Variants in B4GALT6 observed in about 807,000 individuals in gnomAD.
B4GALT6 encodes beta-1,4-galactosyltransferase 6.
In B4GALT6, 14 loss-of-function variants were observed where a neutral mutation model predicts 46.3. The observed-to-expected ratio is 0.30, with a 90% CI of 0.20 to 0.47. B4GALT6 has a LOEUF of 0.47. Among genes scored for constraint, B4GALT6 ranks in the 20% least tolerant of loss-of-function variants. B4GALT6 has a pLI of 0.99. For missense variants in B4GALT6, 386 were observed against 480.1 expected (o/e 0.80, Z 1.83); for synonymous variants, 168 against 162.0 (o/e 1.04, Z -0.28).
At chr18:31,688,258 T>TACATATATATATATATATATATAC (rs151146927), upstream of B4GALT6, among the ~76,000 whole-genome samples, 46 of 148,628 alleles carry the variant, frequency 3.1e-4, no homozygotes, top group African/African-American at 1.1e-3. Flanking sequence ...TATATATATA[T>TACATATATATATATATATATATAC]ACATATATAT....
At chr18:31,647,148 A>G (rs925559610) in intron 3 of B4GALT6, among the ~76,000 whole-genome samples, 2 of 152,256 alleles carry the variant, frequency 1.3e-5, no homozygotes, top group Non-Finnish European at 2.9e-5. Flanking sequence ...TGATACATTT[A>G]ATAGTATGCA....
chr18:31,673,199 G>A (rs2074376388), intron 1 of B4GALT6, among the ~76,000 whole-genome samples: 1 of 152,098 alleles, frequency 6.6e-6, no homozygotes. Flanking sequence ...GCACACCCAG[G>A]GAATGACAAT....
At chr18:31,637,412 T>C (rs578130163) in intron 5 of B4GALT6, among the ~76,000 whole-genome samples, 2 of 148,482 alleles carry the variant, frequency 1.3e-5, no homozygotes, top group Non-Finnish European at 3.0e-5. Context: ...TTTTTTGACC[T>C]GTCAGTTCAA....
the B4GALT6 span, among the ~76,000 whole-genome samples, chr18:31,699,790 G>A: frequency 6.6e-6 from 1 of 152,124 alleles, no homozygotes; most frequent in Non-Finnish European, 1.5e-5. Context: ...TGTACATAAA[G>A]TGTAATAACT....
Position 31,629,643 on chromosome 18 carries a change from A to G in B4GALT6, c.776+1316T>C, listed in dbSNP as rs572908824. On this transcript the variant is annotated intron_variant, in intron 6 of 8. Transcript: ENST00000306851. Reference sequence around the variant, plus strand: ...GGCGGGTGGATCACAAGGTCAGGAGATCAAGACTATCTTGGCTAACACAGT... The same window carrying G: ...GGCGGGTGGATCACAAGGTCAGGAGGTCAAGACTATCTTGGCTAACACAGT... Among the ~76,000 whole-genome samples the G allele has an allele frequency of 1.4e-3, 206 of 150,556 alleles. 2 individuals are homozygous for G. The highest frequency in any genetic ancestry group is 0.012 in the South Asian group (58 of 4,776).
intron 6 of B4GALT6, among the ~76,000 whole-genome samples, chr18:31,630,335 T>C (rs1210605633): frequency 6.6e-6 from 1 of 152,174 alleles, no homozygotes; most frequent in Non-Finnish European, 1.5e-5. Context: ...CTTGCATTCT[T>C]TCATGTCCTT....
chr18:31,684,409 C>G lies in B4GALT6; in HGVS notation c.18G>C (p.Arg6=). 6.2e-7 allele frequency: 1 copy of G among 1,613,660 alleles called. No homozygotes were observed. Among genetic ancestry groups the G allele is most frequent in the South Asian group, 1.1e-5 (1 of 91,044 alleles). Residue 6 remains arginine (R), a synonymous_variant, in exon 1 of 9, where the codon CGG becomes CGC. Coordinates refer to ENST00000306851, the MANE Select transcript of B4GALT6 (RefSeq NM_004775.5). ...GAGAGCGATTGGAAACCCGCATCATCCGCCTGAGCACAGACATCTTCCTCT... is the reference window on the plus strand; with the variant it reads ...GAGAGCGATTGGAAACCCGCATCATGCGCCTGAGCACAGACATCTTCCTCT... The part of the protein sequence containing the change: MSVLR[R]MMRVSNRSLL...
chr18:31,652,048 G>C (rs987080679), intron 3 of B4GALT6, among the ~76,000 whole-genome samples: 3 of 152,100 alleles, frequency 2.0e-5, no homozygotes, highest in African/African-American at 7.2e-5. Context: ...GGGATTACAG[G>C]CGTGAGCCAC....
chr18:31,630,752 A>T (rs1598867292), intron 6 of B4GALT6, among the ~76,000 whole-genome samples: 1 of 152,262 alleles, frequency 6.6e-6, no homozygotes, highest in East Asian at 1.9e-4. Flanking sequence ...CCACCACACC[A>T]CATTCAAACC....
intron 3 of B4GALT6, among the ~76,000 whole-genome samples, chr18:31,648,891 C>CT (rs1197430780): frequency 3.3e-5 from 5 of 152,144 alleles, no homozygotes; most frequent in African/African-American, 1.2e-4. Flanking sequence ...GAGCCTATAT[C>CT]TATTTTTTGG....
chr18:31,645,586 A>G, intron 3 of B4GALT6, 107 bp from the exon 4 acceptor site: 1 of 1,152,736 alleles, frequency 8.7e-7, no homozygotes, highest in East Asian at 2.6e-5. Context: ...TGCCAGGACA[A>G]TACAGTTTAC....
At chr18:31,660,467 A>G (rs1598908166) in intron 2 of B4GALT6, among the ~76,000 whole-genome samples, 1 of 152,244 alleles carries the variant, frequency 6.6e-6, no homozygotes, top group Admixed American at 6.5e-5. Context: ...AGTCAAGTTC[A>G]TTGATTTACA....
In B4GALT6 at chr18:31,624,207, T is replaced by C. The variant is rs1235128768; in HGVS notation, c.*1407A>G. On this transcript the variant is annotated 3_prime_UTR_variant, in exon 9 of 9. Coordinates refer to ENST00000306851, the MANE Select transcript of B4GALT6 (RefSeq NM_004775.5). ...ATGCAAACATGTAAGATATTACATATAGAAGACATTATGGCATCAGTGCAC... is the reference window on the plus strand; with the variant it reads ...ATGCAAACATGTAAGATATTACATACAGAAGACATTATGGCATCAGTGCAC... 1 of 151,996 alleles carries C rather than the reference T, an allele frequency of 6.6e-6. No homozygotes were observed. Among genetic ancestry groups the C allele is most frequent in the Non-Finnish European group, 1.5e-5 (1 of 67,892 alleles). 9.4% of individuals were successfully genotyped at this position (151,996 alleles called of 1,614,324 possible). A position where few individuals can be genotyped will look rare whatever the true frequency, so the allele number is the denominator to read the frequency against.
chr18:31,642,712 T>C (rs1175576993), intron 4 of B4GALT6, among the ~76,000 whole-genome samples: 1 of 152,224 alleles, frequency 6.6e-6, no homozygotes, highest in Non-Finnish European at 1.5e-5. Context: ...GGTTTTTTGT[T>C]TGTTTGTGTT....
chr18:31,669,375 G>A (rs887219113), intron 1 of B4GALT6, among the ~76,000 whole-genome samples: 1 of 152,142 alleles, frequency 6.6e-6, no homozygotes, highest in African/African-American at 2.4e-5. Context: ...TGCTGCCAGA[G>A]CAAGCACTCC....
the B4GALT6 span, among the ~76,000 whole-genome samples, chr18:31,700,437 G>GTA: frequency 8.5e-6 from 1 of 117,870 alleles, no homozygotes; most frequent in South Asian, 2.3e-4. Context: ...TTGACTATTT[G>GTA]TGTGTGTGTG....
At chr18:31,699,392 C>T in the B4GALT6 span, among the ~76,000 whole-genome samples, 2 of 151,636 alleles carry the variant, frequency 1.3e-5, no homozygotes, top group African/African-American at 4.8e-5. Flanking sequence ...CCTGCCTCAG[C>T]CTCCCAAGTA....
chr18:31,722,228 G>T, the B4GALT6 span, among the ~76,000 whole-genome samples: 1 of 152,088 alleles, frequency 6.6e-6, no homozygotes, highest in Admixed American at 6.5e-5. Context: ...CCAAGATACA[G>T]AATTGAGTAT....
chr18:31,669,831 T>C (rs1368025201), intron 1 of B4GALT6, among the ~76,000 whole-genome samples: 1 of 152,144 alleles, frequency 6.6e-6, no homozygotes, highest in Admixed American at 6.5e-5. Flanking sequence ...AAATTTGTTG[T>C]CAGTAATATA....
Sources: gnomAD v4.1 joint callset for allele counts (sites outside exome capture counted in the v4.1 genomes callset) on GRCh38, gnomAD v4.1.1 for gene constraint, MANE v1.5 for transcripts, NCBI Gene and HGNC (gene_info 2026-07-23, HGNC 2026-07-21) for gene names.